The following CFAP299 variants were observed in gnomAD, a reference collection of about 807,000 sequenced individuals.
The protein encoded by CFAP299 is cilia and flagella associated protein 299.
In CFAP299, 21 loss-of-function variants were observed where a neutral mutation model predicts 27.0. The observed-to-expected ratio is 0.78, with a 90% CI of 0.55 to 1.12. The LOEUF (loss-of-function observed/expected upper bound fraction) is 1.12. Ranked by LOEUF, CFAP299 falls within the 50% of genes most tolerant of loss-of-function variation. CFAP299 has a pLI of 0.00. For missense variants in CFAP299, 310 were observed against 276.6 expected (o/e 1.12, Z -0.86); for synonymous variants, 104 against 98.1 (o/e 1.06, Z -0.36).
At chr4:80,375,707 T>C (rs1724372662) in intron 2 of CFAP299, among the ~76,000 whole-genome samples, 1 of 152,240 alleles carries the variant, frequency 6.6e-6, no homozygotes. Context: ...GCAAAGTCTC[T>C]TCCAAACTAG....
chr4:80,816,178 A>T (rs12186196), intron 3 of CFAP299, among the ~76,000 whole-genome samples: 2 of 152,082 alleles, frequency 1.3e-5, no homozygotes, highest in Non-Finnish European at 2.9e-5. Context: ...ATAAAAATTC[A>T]TATAAAATAT....
chr4:80,909,583 T>C (rs1009386642), intron 4 of CFAP299, among the ~76,000 whole-genome samples: 4 of 151,982 alleles, frequency 2.6e-5, no homozygotes, highest in African/African-American at 9.7e-5. Flanking sequence ...CTTTCTAATA[T>C]TTTCTAAACT....
chr4:80,353,048 AG>A (rs1182958921), intron 1 of CFAP299, among the ~76,000 whole-genome samples: 7 of 152,322 alleles, frequency 4.6e-5, no homozygotes, highest in African/African-American at 1.4e-4. Flanking sequence ...AGTAGACAGA[AG>A]GAATAACAAA....
chr4:80,603,949 T>G (rs560474702), intron 3 of CFAP299, among the ~76,000 whole-genome samples: 3 of 152,242 alleles, frequency 2.0e-5, no homozygotes, highest in African/African-American at 7.2e-5. Flanking sequence ...TAAAATAAAT[T>G]AATACAACAT....
intron 3 of CFAP299, among the ~76,000 whole-genome samples, chr4:80,614,339 A>G (rs765204187): frequency 2.0e-5 from 3 of 152,208 alleles, no homozygotes; most frequent in Non-Finnish European, 4.4e-5. Context: ...ACTAATAATG[A>G]CCTTGATCCC....
rs148025955 is a variant in CFAP299 at position 80,632,936 on chromosome 4, A to C, written c.333+49753A>C. ...AAAAGCACAATCTTATCATCCTGAA[A>C]ATGCATAATATAATGAATGGGCAAT... On this transcript the variant is annotated intron_variant, in intron 3 of 5. Coordinates refer to ENST00000358105, the MANE Select transcript of CFAP299 (RefSeq NM_152770.3). 7.9e-5 allele frequency among the ~76,000 whole-genome samples: 12 copies of C among 152,280 alleles called. 1 individual carries two copies. The East Asian group carries it at 2.3e-3, about 29-fold the overall frequency.
At chr4:80,759,976 C>CT (rs1725460208) in intron 3 of CFAP299, among the ~76,000 whole-genome samples, 1 of 151,820 alleles carries the variant, frequency 6.6e-6, no homozygotes, top group African/African-American at 2.4e-5. Flanking sequence ...CTTTGCAAGT[C>CT]TTTTTTCTCT....
chr4:80,943,461 G>A (rs1737298457), intron 4 of CFAP299, among the ~76,000 whole-genome samples: 2 of 152,156 alleles, frequency 1.3e-5, no homozygotes, highest in South Asian at 4.2e-4. Context: ...GGGAGTAATA[G>A]AGGGCAAAAC....
Position 80,477,868 on chromosome 4 carries a change from A to G in CFAP299, c.243-105225A>G, listed in dbSNP as rs1730358065. On this transcript the variant is annotated intron_variant, in intron 2 of 5. Coordinates refer to ENST00000358105, the MANE Select transcript of CFAP299 (RefSeq NM_152770.3). The stretch of plus-strand genomic sequence containing the variant: ...TTATTATTGTTGCCTGGAAAACCCC[A>G]GCTCTTTTCTCCCTCCACACCTGTG... Among the ~76,000 whole-genome samples, 4 of 152,184 alleles carry G rather than the reference A, an allele frequency of 2.6e-5. No homozygotes were observed. In the South Asian group the frequency reaches 6.2e-4, roughly 24 times the overall value.
chr4:80,915,199 T>G (rs1254362068), intron 4 of CFAP299, among the ~76,000 whole-genome samples: 2 of 152,002 alleles, frequency 1.3e-5, no homozygotes, highest in Non-Finnish European at 2.9e-5. Context: ...TTTCTCAAAT[T>G]ATTTTTATTT....
chr4:80,382,023 G>T (rs1724726454), intron 2 of CFAP299, among the ~76,000 whole-genome samples: 1 of 152,132 alleles, frequency 6.6e-6, no homozygotes, highest in African/African-American at 2.4e-5. Context: ...GAAAGAAAAG[G>T]TTGAAGAAAT....
intron 3 of CFAP299, among the ~76,000 whole-genome samples, chr4:80,799,103 A>G (rs574275404): frequency 1.2e-4 from 16 of 136,440 alleles, no homozygotes; most frequent in African/African-American, 4.1e-4. Flanking sequence ...GAGTTTATAT[A>G]TATTTATGTA....
At chr4:80,734,748 G>A (rs1441119435) in intron 3 of CFAP299, among the ~76,000 whole-genome samples, 3 of 151,984 alleles carry the variant, frequency 2.0e-5, no homozygotes, top group African/African-American at 7.2e-5. Flanking sequence ...TACGTTTTTG[G>A]CACTATTGGT....
At position 80,825,001 on chromosome 4, in the gene CFAP299, CTAAA is replaced by C. The variant is rs567125326; in HGVS notation, c.334-44987_334-44984del. ...TGCTATCTTAAAGATACTCAGAGAACTAAATAAAGACATGGATAATGTCAAGAAA... is the reference window on the plus strand; with the variant it reads ...TGCTATCTTAAAGATACTCAGAGAACTAAAGACATGGATAATGTCAAGAAA... On this transcript the variant is annotated intron_variant, in intron 3 of 5. Transcript: ENST00000358105. Among the ~76,000 whole-genome samples the C allele has an allele frequency of 5.3e-4, 80 of 151,706 alleles. No homozygotes were observed. In the South Asian group the frequency reaches 0.014, roughly 26 times the overall value.
intron 4 of CFAP299, among the ~76,000 whole-genome samples, chr4:80,911,738 T>G (rs1735482592): frequency 6.6e-6 from 1 of 152,170 alleles, no homozygotes. Flanking sequence ...GAATCACTTC[T>G]GTCAGCATCA....
intron 3 of CFAP299, among the ~76,000 whole-genome samples, chr4:80,842,854 G>A (rs1039396143): frequency 6.6e-6 from 1 of 152,058 alleles, no homozygotes; most frequent in African/African-American, 2.4e-5. Flanking sequence ...AGTGGATAAA[G>A]TTTGAAGGGG....
chr4:80,659,733 C>T (rs1456130958), intron 3 of CFAP299, among the ~76,000 whole-genome samples: 1 of 151,944 alleles, frequency 6.6e-6, no homozygotes, highest in Admixed American at 6.6e-5. Context: ...TTGGCATAAT[C>T]TATACACTCT....
rs75371215 is a variant in CFAP299, at chr4:80,876,974, C to T, written c.476+6839C>T. On this transcript the variant is annotated intron_variant, in intron 4 of 5. Coordinates refer to ENST00000358105, the MANE Select transcript of CFAP299 (RefSeq NM_152770.3). ...TTTCATTGAGCTTGGCAGAAAACACCCCTTTGTACTTAACCAGGCTTTCAT... is the reference window on the plus strand; with the variant it reads ...TTTCATTGAGCTTGGCAGAAAACACTCCTTTGTACTTAACCAGGCTTTCAT... Among the ~76,000 whole-genome samples the T allele has an allele frequency of 3.5e-3, 533 of 152,204 alleles. 3 individuals are homozygous for T. The highest frequency in any genetic ancestry group is 0.012 in the African/African-American group (518 of 41,524).
intron 3 of CFAP299, among the ~76,000 whole-genome samples, chr4:80,629,885 C>A (rs139481932): frequency 1.1e-3 from 155 of 144,880 alleles, no homozygotes; most frequent in Middle Eastern, 3.7e-3. Flanking sequence ...AAAAAAAAAA[C>A]AAAAAAAACA....
Sources: gnomAD v4.1 joint callset for allele counts (sites outside exome capture counted in the v4.1 genomes callset) on GRCh38, gnomAD v4.1.1 for gene constraint, MANE v1.5 for transcripts, NCBI Gene and HGNC (gene_info 2026-07-23, HGNC 2026-07-21) for gene names.